Variants in EPHA6 observed in about 807,000 individuals in gnomAD.
EPHA6 encodes the protein EPH receptor A6.
EPHA6 carries 50 observed loss-of-function variants against 112.0 expected under a neutral mutation model. That is an observed-to-expected ratio of 0.45 (90% CI 0.36 to 0.56). EPHA6 has a LOEUF of 0.56. Among genes scored for constraint, EPHA6 ranks in the 20% least tolerant of loss-of-function variants. The pLI, the probability that EPHA6 is intolerant of heterozygous loss-of-function variation, is 0.00. For missense variants in EPHA6, 1,280 were observed against 1,417.4 expected (o/e 0.90, Z 1.56); for synonymous variants, 529 against 490.7 (o/e 1.08, Z -1.03).
intron 6 of EPHA6, among the ~76,000 whole-genome samples, chr3:97,412,403 G>C (rs2087783938): frequency 1.3e-5 from 2 of 151,904 alleles, no homozygotes; most frequent in South Asian, 4.1e-4. Flanking sequence ...CATATTCCTA[G>C]TCATACATTT....
At chr3:97,496,564 G>T (rs1404945226) in intron 10 of EPHA6, among the ~76,000 whole-genome samples, 1 of 151,976 alleles carries the variant, frequency 6.6e-6, no homozygotes, top group Non-Finnish European at 1.5e-5. Flanking sequence ...TTATATTTAT[G>T]AAGCCATACT....
intron 1 of EPHA6, among the ~76,000 whole-genome samples, chr3:96,831,677 A>G (rs2034090557): frequency 6.6e-6 from 1 of 151,880 alleles, no homozygotes; most frequent in Admixed American, 6.6e-5. Flanking sequence ...TATATGATTT[A>G]TTTGCAGGTG....
chr3:97,213,280 A>C (rs898322394), intron 3 of EPHA6, among the ~76,000 whole-genome samples: 1 of 152,046 alleles, frequency 6.6e-6, no homozygotes, highest in Non-Finnish European at 1.5e-5. Context: ...TGAGAGGAGG[A>C]CAGAGAGAAA....
chr3:97,684,729 G>T (rs1260025530), intron 14 of EPHA6, among the ~76,000 whole-genome samples: 1 of 152,110 alleles, frequency 6.6e-6, no homozygotes, highest in Non-Finnish European at 1.5e-5. Context: ...AGCCCTTAAA[G>T]AATGTTAATA....
At chr3:97,371,555 C>T (rs2085056017) in intron 5 of EPHA6, among the ~76,000 whole-genome samples, 2 of 152,036 alleles carry the variant, frequency 1.3e-5, no homozygotes, top group African/African-American at 4.8e-5. Context: ...AGAATGTCGC[C>T]TCAGGACGCT....
chr3:97,595,838 A>G (rs2093584193), intron 12 of EPHA6, among the ~76,000 whole-genome samples: 4 of 152,042 alleles, frequency 2.6e-5, no homozygotes, highest in Admixed American at 6.6e-5. Flanking sequence ...TTACTGTTTA[A>G]ATCAAATTCT....
chr3:97,084,067 A>AGT (rs145113129), intron 3 of EPHA6, among the ~76,000 whole-genome samples: 2,411 of 109,686 alleles, frequency 0.022, 72 homozygotes, highest in African/African-American at 0.067. Flanking sequence ...TATTTCTTAA[A>AGT]GTGTGTGTGT....
At chr3:97,720,687 A>G (rs567320816) in intron 15 of EPHA6, among the ~76,000 whole-genome samples, 1 of 152,334 alleles carries the variant, frequency 6.6e-6, no homozygotes, top group African/African-American at 2.4e-5. Context: ...GTGTTTGTGC[A>G]ATAGCCTTGA....
chr3:97,711,447 G>A (rs149915231), intron 14 of EPHA6, among the ~76,000 whole-genome samples: 80 of 151,958 alleles, frequency 5.3e-4, no homozygotes, highest in African/African-American at 1.3e-3. Flanking sequence ...ATTCATTCCC[G>A]TGATTATGGA....
chr3:96,915,616 A>T (rs2039443966), intron 2 of EPHA6, among the ~76,000 whole-genome samples: 1 of 152,100 alleles, frequency 6.6e-6, no homozygotes, highest in Admixed American at 6.6e-5. Context: ...CATAACATCA[A>T]TATCTGTCAG....
chr3:97,502,105 A>G (rs1244422301), intron 10 of EPHA6, among the ~76,000 whole-genome samples: 1 of 151,538 alleles, frequency 6.6e-6, no homozygotes, highest in Non-Finnish European at 1.5e-5. Context: ...ATGTAGGACA[A>G]TTGGAGCATG....
At chr3:97,357,357 C>T (rs925981239) in intron 5 of EPHA6, among the ~76,000 whole-genome samples, 2 of 152,068 alleles carry the variant, frequency 1.3e-5, no homozygotes, top group African/African-American at 4.8e-5. Flanking sequence ...CAGGCATGTG[C>T]CACCATGCCA....
intron 5 of EPHA6, among the ~76,000 whole-genome samples, chr3:97,297,635 T>C (rs2080922234): frequency 6.6e-6 from 1 of 152,210 alleles, no homozygotes. Flanking sequence ...AGTCCATATC[T>C]CAAGATGGAT....
At chr3:97,541,609 T>C (rs1339427526) in intron 11 of EPHA6, among the ~76,000 whole-genome samples, 1 of 152,258 alleles carries the variant, frequency 6.6e-6, no homozygotes, top group East Asian at 1.9e-4. Context: ...TATTTTCAAA[T>C]CTGTGACAAT....
Position 97,156,971 on chromosome 3 carries a change from G to A in EPHA6, c.1115-69293G>A, listed in dbSNP as rs527908869. 1.8e-4 allele frequency among the ~76,000 whole-genome samples: 28 copies of A among 152,104 alleles called. No homozygotes were observed. In the South Asian group the frequency reaches 5.6e-3, roughly 30 times the overall value. ...AACTATGTGGTTATTATTTAGCACAGCAACTTTTAGAGTTACCACCATTCT... is the reference window on the plus strand; with the variant it reads ...AACTATGTGGTTATTATTTAGCACAACAACTTTTAGAGTTACCACCATTCT... On this transcript the variant is annotated intron_variant, in intron 3 of 17. Transcript: ENST00000389672.
chr3:97,449,943 G>C (rs1412504047), intron 7 of EPHA6, among the ~76,000 whole-genome samples: 1 of 152,068 alleles, frequency 6.6e-6, no homozygotes, highest in African/African-American at 2.4e-5. Context: ...TCACATGTAA[G>C]AACTTCTTTG....
At chr3:97,209,949 A>G (rs2077821632) in intron 3 of EPHA6, among the ~76,000 whole-genome samples, 1 of 152,232 alleles carries the variant, frequency 6.6e-6, no homozygotes, top group South Asian at 2.1e-4. Context: ...AGGTGACCAC[A>G]TAAAACATTT....
At chr3:97,315,089 G>C (rs1348707302) in intron 5 of EPHA6, among the ~76,000 whole-genome samples, 8 of 150,648 alleles carry the variant, frequency 5.3e-5, no homozygotes, top group African/African-American at 1.7e-4. Flanking sequence ...AGAAAAAAAA[G>C]TTCTCTCTGC....
intron 3 of EPHA6, among the ~76,000 whole-genome samples, chr3:97,133,027 G>T (rs569022155): frequency 2.0e-5 from 3 of 152,056 alleles, no homozygotes; most frequent in Non-Finnish European, 4.4e-5. Flanking sequence ...TTTTAAAAAA[G>T]AATTTTAAAT....
Sources: allele counts gnomAD v4.1 joint callset (sites outside exome capture counted in the v4.1 genomes callset), GRCh38; gene constraint gnomAD v4.1.1; transcripts MANE v1.5; gene names NCBI Gene and HGNC (gene_info 2026-07-23, HGNC 2026-07-21).